Variants in PARP8 observed in about 807,000 individuals in gnomAD.
PARP8 encodes protein mono-ADP-ribosyltransferase PARP8.
PARP8 carries 51 observed loss-of-function variants against 124.1 expected under a neutral mutation model. The observed-to-expected ratio is 0.41, with a 90% CI of 0.33 to 0.52. The LOEUF (loss-of-function observed/expected upper bound fraction) is 0.52, where lower values mean the gene tolerates loss of function less well. Ranked by LOEUF, PARP8 falls within the 20% of genes least tolerant of loss-of-function variation. The probability of loss-of-function intolerance (pLI) is 0.21; values close to 1 mark genes in which losing one functional copy is unlikely to be tolerated. For synonymous variants in PARP8, 391 were observed against 361.5 expected (o/e 1.08, Z -0.93); for missense variants, 860 against 1,018.9 (o/e 0.84, Z 2.12).
chr5:50,707,627 CAGAGAGAGAGAGAGAGAGAG>C (rs34400961), intron 2 of PARP8, among the ~76,000 whole-genome samples: 1 of 145,216 alleles, frequency 6.9e-6, no homozygotes, highest in African/African-American at 2.6e-5. Context: ...ATAGGGGAGA[CAGAGAGAGAGAGAGAGAGAG>C]AGAGAGAGAG....
At chr5:50,715,395 T>C (rs1484920422) in intron 2 of PARP8, among the ~76,000 whole-genome samples, 1 of 152,088 alleles carries the variant, frequency 6.6e-6, no homozygotes, top group Non-Finnish European at 1.5e-5. Context: ...TCTAGGAATT[T>C]ATTTATACTT....
intron 2 of PARP8, among the ~76,000 whole-genome samples, chr5:50,672,070 G>C (rs575745879): frequency 6.6e-6 from 1 of 152,238 alleles, no homozygotes; most frequent in East Asian, 1.9e-4. Context: ...TGCACATGCT[G>C]CCTGGAAAAC....
intron 2 of PARP8, among the ~76,000 whole-genome samples, chr5:50,681,446 T>A (rs1367651078): frequency 5.9e-5 from 9 of 152,156 alleles, no homozygotes; most frequent in Non-Finnish European, 1.2e-4. Context: ...TTTTTTTAGA[T>A]CCTGTTTATT....
At chr5:50,817,341 T>G (rs1745216039) in intron 15 of PARP8, among the ~76,000 whole-genome samples, 1 of 152,214 alleles carries the variant, frequency 6.6e-6, no homozygotes, top group Non-Finnish European at 1.5e-5. Flanking sequence ...GTAATTCTAC[T>G]CCAAAGACAG....
intron 11 of PARP8, 80 bp from the exon 12 acceptor site, chr5:50,794,773 G>C: frequency 7.9e-7 from 1 of 1,259,132 alleles, no homozygotes; most frequent in Non-Finnish European, 1.1e-6. Flanking sequence ...TAGCACAGTC[G>C]AGTTTGAGCA....
chr5:50,800,274 GT>G (rs1743051912), intron 14 of PARP8, among the ~76,000 whole-genome samples: 1 of 152,108 alleles, frequency 6.6e-6, no homozygotes, highest in Non-Finnish European at 1.5e-5. Context: ...ATTTTTGCAT[GT>G]TAATCTTTTA....
intron 2 of PARP8, among the ~76,000 whole-genome samples, chr5:50,710,724 A>C (rs79667250): frequency 0.043 from 6,570 of 152,066 alleles, 450 homozygotes; most frequent in African/African-American, 0.15. Flanking sequence ...TCCCTTTTCA[A>C]AGTATCAATA....
intron 14 of PARP8, among the ~76,000 whole-genome samples, chr5:50,797,927 T>G (rs1742740390): frequency 6.6e-6 from 1 of 152,194 alleles, no homozygotes; most frequent in Non-Finnish European, 1.5e-5. Flanking sequence ...GGAATTTCCA[T>G]TATCCCCAAA....
chr5:50,748,498 A>G (rs1299759840), intron 2 of PARP8, among the ~76,000 whole-genome samples: 4 of 152,210 alleles, frequency 2.6e-5, no homozygotes. Flanking sequence ...TCCGTCTGGT[A>G]TTATTCATCC....
chr5:50,773,276 C>T (rs957038299), intron 7 of PARP8, among the ~76,000 whole-genome samples: 2 of 152,182 alleles, frequency 1.3e-5, no homozygotes, highest in African/African-American at 4.8e-5. Context: ...AGCATTTCCC[C>T]TATGTTTTCT....
chr5:50,826,728 G>A, intron 18 of PARP8, 27 bp from the exon 19 acceptor site: 1 of 1,564,214 alleles, frequency 6.4e-7, no homozygotes, highest in Non-Finnish European at 8.6e-7. Context: ...GCATGTATTT[G>A]TGACTAATGG....
chr5:50,735,282 A>G lies in PARP8; in HGVS notation c.147-14869A>G, dbSNP rs539567633. 1.4e-4 allele frequency among the ~76,000 whole-genome samples: 22 copies of G among 152,260 alleles called. 1 individual carries two copies. In the South Asian group the frequency reaches 3.7e-3, roughly 26 times the overall value. Reference sequence around the variant, plus strand: ...AATCAATGTTGCGAATATCAAGTGTAATATTTTCATGATTTTGGGCTTGTT... The same window carrying G: ...AATCAATGTTGCGAATATCAAGTGTGATATTTTCATGATTTTGGGCTTGTT... On this transcript the variant is annotated intron_variant, in intron 2 of 25. Transcript: ENST00000281631.
In PARP8 at chr5:50,795,022, T is replaced by C; in HGVS notation, c.1033T>C (p.Ser345Pro). The change falls in exon 12 of 26, where the codon TCC (serine) becomes CCC (proline). Residue 345 changes from serine to proline, a missense_variant. Around this residue, in one of 2 missense-constraint regions of PARP8, gnomAD observed 517 missense variants for 544.2 expected, o/e 0.95. Transcript: ENST00000281631. ...ACACAGGACCTTTGGCCGCTCCTTG[T>C]CCAGCGATCCCAGGGCGGAGCAGGC... is the stretch of plus-strand genomic sequence containing the variant. ...KSHRTFGRSL[S>P]SDPRAEQAMT... The C allele has an allele frequency of 6.2e-7, 1 of 1,614,196 alleles. No individual in the cohort carries two copies. The highest frequency in any genetic ancestry group is 1.3e-5 in the African/African-American group (1 of 75,048).
intron 14 of PARP8, among the ~76,000 whole-genome samples, chr5:50,814,851 G>A (rs191809393): frequency 1.3e-5 from 2 of 152,274 alleles, no homozygotes; most frequent in Admixed American, 1.3e-4. Context: ...CTCTTCCAAA[G>A]TAATTGCAGA....
chr5:50,749,955 T>C (rs1323137248), intron 2 of PARP8, among the ~76,000 whole-genome samples, 196 bp from the exon 3 acceptor site: 5 of 152,130 alleles, frequency 3.3e-5, no homozygotes, highest in East Asian at 1.9e-4. Context: ...TTTAGACTAA[T>C]GGAAAGTATA....
Position 50,795,017 on chromosome 5 carries a change from C to A in PARP8, c.1028C>A (p.Ser343Tyr). ...VTKSHRTFGR[S>Y]LSSDPRAEQA... ...AAGTCACACAGGACCTTTGGCCGCT[C>A]CTTGTCCAGCGATCCCAGGGCGGAG... The change falls in exon 12 of 26, where the codon TCC (serine) becomes TAC (tyrosine). Residue 343 changes from serine (S) to tyrosine (Y), a missense_variant. Around this residue, in one of 2 missense-constraint regions of PARP8, gnomAD observed 517 missense variants for 544.2 expected, o/e 0.95. Transcript: ENST00000281631. The A allele has an allele frequency of 6.2e-7, 1 of 1,614,180 alleles. No individual in the cohort carries two copies. Among genetic ancestry groups the A allele is most frequent in the Non-Finnish European group, 8.5e-7 (1 of 1,180,024 alleles).
At chr5:50,678,243 ATGC>A (rs1750863384) in intron 2 of PARP8, among the ~76,000 whole-genome samples, 1 of 152,204 alleles carries the variant, frequency 6.6e-6, no homozygotes, top group African/African-American at 2.4e-5. Context: ...ATATTTAATA[ATGC>A]TGCTGCAGTA....
At chr5:50,817,258 A>C (rs1219407479) in intron 15 of PARP8, among the ~76,000 whole-genome samples, 2 of 152,248 alleles carry the variant, frequency 1.3e-5, no homozygotes, top group African/African-American at 4.8e-5. Context: ...GATTGATACA[A>C]AGCACAAGTA....
upstream of PARP8, chr5:50,666,201 G>A (rs2112155272): frequency 6.6e-6 from 1 of 152,400 alleles, no homozygotes; most frequent in Admixed American, 6.5e-5. Context: ...CACGTCTGGA[G>A]TAATTTTAAG....
Sources: gnomAD v4.1 joint callset for allele counts (sites outside exome capture counted in the v4.1 genomes callset) on GRCh38, gnomAD v4.1.1 for gene constraint, gnomAD v4.1.1 regional missense constraint, MANE v1.5 for transcripts, NCBI Gene and HGNC (gene_info 2026-07-23, HGNC 2026-07-21) for gene names.